The following NLRP8 variants were observed in gnomAD, a reference collection of about 807,000 sequenced individuals.
The protein encoded by NLRP8 is NACHT, LRR and PYD domains-containing protein 8.
A neutral mutation model predicts 88.7 loss-of-function variants in NLRP8; 86 were observed. The ratio of observed to expected loss-of-function variants is 0.97; its 90% confidence interval spans 0.81 to 1.16. The LOEUF (loss-of-function observed/expected upper bound fraction) is 1.16. Ranked by LOEUF, NLRP8 falls within the 50% of genes most tolerant of loss-of-function variation. The pLI, the probability that NLRP8 is intolerant of heterozygous loss-of-function variation, is 0.00. For synonymous variants in NLRP8, 504 were observed against 494.6 expected (o/e 1.02, Z -0.25); for missense variants, 1,342 against 1,286.5 (o/e 1.04, Z -0.66).
At chr19:55,960,897 CTT>C (rs36087472) in intron 3 of NLRP8, among the ~76,000 whole-genome samples, 176 of 91,020 alleles carry the variant, frequency 1.9e-3, no homozygotes, top group Admixed American at 2.5e-3. Context: ...AACTATTTCT[CTT>C]TTTTTTTTTT....
chr19:55,958,677 A>G (rs1979477913), intron 3 of NLRP8, among the ~76,000 whole-genome samples: 1 of 152,174 alleles, frequency 6.6e-6, no homozygotes, highest in Admixed American at 6.5e-5. Flanking sequence ...TACAGGAAAA[A>G]TTTGCCAACC....
intron 9 of NLRP8, among the ~76,000 whole-genome samples, chr19:55,984,170 T>A (rs190171732): frequency 4.1e-4 from 62 of 152,116 alleles, no homozygotes; most frequent in African/African-American, 1.5e-3. Context: ...ATTACATACA[T>A]AGAACAAGAA....
At chr19:55,971,941 G>T (rs1015194198) in intron 6 of NLRP8, among the ~76,000 whole-genome samples, 7 of 151,898 alleles carry the variant, frequency 4.6e-5, no homozygotes, top group Non-Finnish European at 1.0e-4. Flanking sequence ...TCATCTGACT[G>T]TTCATCTTAG....
intron 9 of NLRP8, among the ~76,000 whole-genome samples, chr19:55,986,292 ACACACTCTATCATACACAGT>A (rs1387843366): frequency 6.6e-6 from 1 of 151,206 alleles, no homozygotes; most frequent in Non-Finnish European, 1.5e-5. Flanking sequence ...ACACTCACAC[ACACACTCTATCATACACAGT>A]CTCTCACACA....
rs1757128869 is a variant in NLRP8 at position 55,966,233 on chromosome 19, C to T, written c.2234C>T (p.Thr745Ile). ...TCCAGCCTAAGGCGTGTGAATAGCA[C>T]CATGTTGAACCAGGACTTAATCGGT... The change falls in exon 5 of 10, where the codon ACC becomes ATC. Residue 745 changes from threonine (T) to isoleucine (I), a missense_variant. Transcript: ENST00000291971. 1.2e-6 allele frequency: 2 copies of T among 1,613,954 alleles called. No individual in the cohort carries two copies. The highest frequency in any genetic ancestry group is 8.5e-7 in the Non-Finnish European group (1 of 1,179,968).
At chr19:55,969,319 C>T (rs1490134268) in intron 5 of NLRP8, among the ~76,000 whole-genome samples, 5 of 152,200 alleles carry the variant, frequency 3.3e-5, no homozygotes, top group Non-Finnish European at 7.3e-5. Context: ...GCCTTTGCAT[C>T]ATCATAGCTT....
intron 4 of NLRP8, among the ~76,000 whole-genome samples, chr19:55,962,451 G>C (rs888567058): frequency 6.6e-6 from 1 of 152,186 alleles, no homozygotes; most frequent in South Asian, 2.1e-4. Flanking sequence ...TCTAGTTACT[G>C]TTAGCTTGGT....
At chr19:55,980,557 T>A (rs1292488861) in intron 9 of NLRP8, among the ~76,000 whole-genome samples, 2 of 152,158 alleles carry the variant, frequency 1.3e-5, no homozygotes, top group African/African-American at 2.4e-5. Flanking sequence ...TTGAATCTGC[T>A]TCCAGGCTCA....
chr19:55,960,670 A>G (rs931866474), intron 3 of NLRP8, among the ~76,000 whole-genome samples: 2 of 152,054 alleles, frequency 1.3e-5, no homozygotes, highest in African/African-American at 2.4e-5. Flanking sequence ...TTGCATTTCT[A>G]TGTATTTGAC....
At chr19:55,969,782 A>G (rs536891543) in intron 5 of NLRP8, among the ~76,000 whole-genome samples, 2 of 152,318 alleles carry the variant, frequency 1.3e-5, no homozygotes, top group East Asian at 3.9e-4. Context: ...AGTTGAATGT[A>G]GCTTGGATAA....
chr19:55,971,838 T>C (rs928689131), intron 6 of NLRP8, among the ~76,000 whole-genome samples: 10 of 152,186 alleles, frequency 6.6e-5, no homozygotes, highest in African/African-American at 2.4e-4. Context: ...ATTATCAGTA[T>C]TGTTGTTACT....
At position 55,952,659 on chromosome 19, in the gene NLRP8, G is replaced by A. The variant is rs752457535; in HGVS notation, c.442+47G>A. On this transcript the variant is annotated intron_variant, in intron 2 of 9. Coordinates refer to ENST00000291971, the MANE Select transcript of NLRP8 (RefSeq NM_176811.2). ...GACCCTGGTGAAAAAATGGGCTATGGACTGGGATGAGCTGCTCAGTTGCTA... is the reference window on the plus strand; with the variant it reads ...GACCCTGGTGAAAAAATGGGCTATGAACTGGGATGAGCTGCTCAGTTGCTA... The A allele has an allele frequency of 2.0e-6, 3 of 1,489,120 alleles. No homozygotes were observed. The Admixed American group carries it at 5.0e-5, about 25-fold the overall frequency. The allele number at this position is 1,489,120 out of a possible 1,614,324, so 92.2% of individuals were successfully genotyped here.
chr19:55,985,875 G>C (rs551464931), intron 9 of NLRP8, among the ~76,000 whole-genome samples: 1 of 152,104 alleles, frequency 6.6e-6, no homozygotes, highest in African/African-American at 2.4e-5. Context: ...AATTAGCCGG[G>C]CATGGTGGTA....
At chr19:55,982,138 G>A (rs558590795) in intron 9 of NLRP8, among the ~76,000 whole-genome samples, 2 of 152,150 alleles carry the variant, frequency 1.3e-5, no homozygotes, top group East Asian at 1.9e-4. Context: ...TCTTGACCTC[G>A]TGATTTGCCT....
At chr19:55,950,944 G>A (rs1232932368) in intron 1 of NLRP8, among the ~76,000 whole-genome samples, 2 of 152,194 alleles carry the variant, frequency 1.3e-5, no homozygotes, top group Non-Finnish European at 2.9e-5. Flanking sequence ...CGGGCGTGGT[G>A]GCGCACGCCT....
In NLRP8 at chr19:55,987,894, T is replaced by C; in HGVS notation, c.3128T>C (p.Leu1043Pro). 6.2e-7 allele frequency: 1 copy of C among 1,613,500 alleles called. No individual in the cohort carries two copies. The highest frequency in any genetic ancestry group is 1.1e-5 in the South Asian group (1 of 91,068). The change falls in exon 10 of 10, where the codon CTA becomes CCA. Residue 1043 changes from leucine to proline, a missense_variant. Transcript: ENST00000291971. ...GACTTCACGGGAAAAAGTGACTGCCTATCCCAGATTAATCCTTAGGCCGTC... is the reference window on the plus strand; with the variant it reads ...GACTTCACGGGAAAAAGTGACTGCCCATCCCAGATTAATCCTTAGGCCGTC...
intron 4 of NLRP8, among the ~76,000 whole-genome samples, chr19:55,965,700 GA>G (rs1979804828): frequency 6.6e-6 from 1 of 151,912 alleles, no homozygotes; most frequent in Non-Finnish European, 1.5e-5. Flanking sequence ...TACATGTGCA[GA>G]ACGTGCAGGT....
chr19:55,978,447 T>TG (rs2123225301), intron 8 of NLRP8, among the ~76,000 whole-genome samples: 1 of 152,056 alleles, frequency 6.6e-6, no homozygotes, highest in South Asian at 2.1e-4. Flanking sequence ...AAGTCCAAGG[T>TG]GGAGGGGCTG....
At chr19:55,957,460 T>C (rs1354751702) in intron 3 of NLRP8, among the ~76,000 whole-genome samples, 2 of 151,332 alleles carry the variant, frequency 1.3e-5, no homozygotes, top group Middle Eastern at 3.2e-3. Flanking sequence ...CCGAGGCAGG[T>C]GGATCACTTG....
Sources: gnomAD v4.1 joint callset for allele counts (sites outside exome capture counted in the v4.1 genomes callset) on GRCh38, gnomAD v4.1.1 for gene constraint, MANE v1.5 for transcripts, NCBI Gene and HGNC (gene_info 2026-07-23, HGNC 2026-07-21) for gene names.